The following APBB2 variants were observed in gnomAD, a reference collection of about 807,000 sequenced individuals.
APBB2 encodes amyloid beta precursor protein binding family B member 2, also known as Fe65-like 1.
A neutral mutation model predicts 82.5 loss-of-function variants in APBB2; 38 were observed. The observed-to-expected ratio is 0.46, with a 90% CI of 0.36 to 0.60. APBB2 has a LOEUF of 0.60. Among genes scored for constraint, APBB2 ranks in the 20% least tolerant of loss-of-function variants. APBB2 has a pLI of 0.00. For synonymous variants in APBB2, 341 were observed against 368.2 expected, an observed-to-expected ratio of 0.93 and a Z score of 0.85; for missense variants, 772 against 972.3, an observed-to-expected ratio of 0.79 and a Z score of 2.74.
chr4:41,008,391 G>A (rs540041899), intron 6 of APBB2, among the ~76,000 whole-genome samples: 7 of 152,312 alleles, frequency 4.6e-5, no homozygotes, highest in African/African-American at 1.7e-4. Flanking sequence ...AACATCGAGT[G>A]TCTTATTCAA....
chr4:41,033,124 TA>T, intron 5 of APBB2, 111 bp downstream of exon 5: 1 of 817,470 alleles, frequency 1.2e-6, no homozygotes, highest in Non-Finnish European at 2.0e-6. Flanking sequence ...ACAATGAAAT[TA>T]AAAAACATGT....
intron 1 of APBB2, among the ~76,000 whole-genome samples, chr4:41,202,427 A>G (rs978441272): frequency 7.9e-5 from 12 of 152,252 alleles, no homozygotes; most frequent in Admixed American, 7.9e-4. Flanking sequence ...GGAAACAAAA[A>G]TGAACACACA....
intron 5 of APBB2, among the ~76,000 whole-genome samples, chr4:41,023,993 C>A (rs1403815218): frequency 2.0e-5 from 3 of 152,088 alleles, no homozygotes. Flanking sequence ...ACACACAGAC[C>A]AATGGGACAG....
chr4:41,159,445 A>G (rs534559237), intron 1 of APBB2, among the ~76,000 whole-genome samples: 17 of 152,342 alleles, frequency 1.1e-4, no homozygotes, highest in African/African-American at 3.8e-4. Flanking sequence ...TGCCAAGACA[A>G]CAACCCAAAG....
chr4:41,136,725 C>T (rs958454937), intron 2 of APBB2, among the ~76,000 whole-genome samples: 3 of 152,154 alleles, frequency 2.0e-5, no homozygotes, highest in Non-Finnish European at 4.4e-5. Context: ...TAAAGCCCAG[C>T]AGCAATAGTC....
At chr4:40,874,849 G>A (rs1017153868) in intron 12 of APBB2, among the ~76,000 whole-genome samples, 2 of 152,204 alleles carry the variant, frequency 1.3e-5, no homozygotes, top group Non-Finnish European at 2.9e-5. Flanking sequence ...AGCTGGTAGA[G>A]TGCTCAGCTC....
chr4:40,882,893 C>CT (rs1270124564), intron 12 of APBB2, among the ~76,000 whole-genome samples: 2 of 152,194 alleles, frequency 1.3e-5, no homozygotes, highest in Non-Finnish European at 2.9e-5. Flanking sequence ...GTCTGTGCAA[C>CT]TAGAGACTCT....
rs569065883 is a variant in APBB2, at chr4:41,030,134, C to T, written c.19+3102G>A. Among the ~76,000 whole-genome samples, 7 of 152,098 alleles carry T rather than the reference C, an allele frequency of 4.6e-5. No individual in the cohort carries two copies. The East Asian group carries it at 5.8e-4, about 13-fold the overall frequency. On this transcript the variant is annotated intron_variant, in intron 5 of 17. Transcript: ENST00000508593. ...TCGCACCACCGCACTCCAGCCTGGG[C>T]GACAGAGCTAGACTCCATCTCAAAA... is the stretch of plus-strand genomic sequence containing the variant.
chr4:41,099,886 T>G (rs1196677271), intron 3 of APBB2, among the ~76,000 whole-genome samples: 1 of 152,206 alleles, frequency 6.6e-6, no homozygotes, highest in Non-Finnish European at 1.5e-5. Flanking sequence ...CACGTGCATA[T>G]TTTATTTTGC....
intron 3 of APBB2, among the ~76,000 whole-genome samples, chr4:41,066,923 T>C (rs1217370738): frequency 6.6e-6 from 1 of 152,050 alleles, no homozygotes; most frequent in African/African-American, 2.4e-5. Flanking sequence ...GTTGTTACAA[T>C]CATTCAGGGA....
intron 4 of APBB2, among the ~76,000 whole-genome samples, chr4:41,038,064 C>T (rs1243798874): frequency 6.6e-6 from 1 of 152,008 alleles, no homozygotes; most frequent in Non-Finnish European, 1.5e-5. Context: ...ACAATAGTTT[C>T]CTTCTAGCAG....
At chr4:40,902,188 A>G (rs1416914640) in intron 10 of APBB2, among the ~76,000 whole-genome samples, 3 of 152,122 alleles carry the variant, frequency 2.0e-5, no homozygotes, top group African/African-American at 7.2e-5. Context: ...GAACTCACTA[A>G]TAATGTTAAG....
chr4:41,014,274 C>T lies in APBB2; in HGVS notation c.144G>A (p.Leu48=). The part of the protein sequence containing the change: ...TLNLRSSHNE[L]LNAEIKHTET... The stretch of plus-strand genomic sequence containing the variant: ...CTGTGTGTTTTATTTCAGCGTTCAA[C>T]AGTTCATTGTGGGAGGATCGGAGGT... Residue 48 remains leucine (L), a synonymous_variant, in exon 6 of 18, where the codon CTG becomes CTA. Transcript: ENST00000508593. The T allele has an allele frequency of 6.2e-7, 1 of 1,614,126 alleles. No individual in the cohort carries two copies. Among genetic ancestry groups the T allele is most frequent in the Non-Finnish European group, 8.5e-7 (1 of 1,180,032 alleles).
chr4:41,211,831 C>T (rs73232129), intron 1 of APBB2, among the ~76,000 whole-genome samples: 226 of 152,310 alleles, frequency 1.5e-3, no homozygotes, highest in South Asian at 3.3e-3. Context: ...AGAGACACGA[C>T]ATACCATTTT....
chr4:41,073,547 C>T (rs1002520844), intron 3 of APBB2, among the ~76,000 whole-genome samples: 4 of 152,120 alleles, frequency 2.6e-5, no homozygotes, highest in African/African-American at 9.7e-5. Flanking sequence ...AATTTTTCAC[C>T]TTCCAACTGC....
chr4:40,977,318 G>GTT (rs60943146), intron 6 of APBB2, among the ~76,000 whole-genome samples: 211 of 145,302 alleles, frequency 1.5e-3, no homozygotes, highest in East Asian at 8.2e-3. Context: ...CAATATAGTT[G>GTT]TTTTTTTTTT....
At chr4:40,980,251 T>C (rs1409761440) in intron 6 of APBB2, among the ~76,000 whole-genome samples, 1 of 152,214 alleles carries the variant, frequency 6.6e-6, no homozygotes, top group African/African-American at 2.4e-5. Flanking sequence ...CTCGAACTCC[T>C]GAGCTCAGGC....
chr4:40,918,822 G>C (rs1348466256), intron 10 of APBB2, among the ~76,000 whole-genome samples: 3 of 150,640 alleles, frequency 2.0e-5, no homozygotes, highest in African/African-American at 7.4e-5. Flanking sequence ...CTATGTTCAG[G>C]CAGGTCTCAA....
At chr4:41,139,292 C>T (rs1222264240) in intron 2 of APBB2, among the ~76,000 whole-genome samples, 1 of 151,850 alleles carries the variant, frequency 6.6e-6, no homozygotes, top group Non-Finnish European at 1.5e-5. Flanking sequence ...AAAAAAGCAC[C>T]CAACAAAAAT....
Sources: allele counts gnomAD v4.1 joint callset (sites outside exome capture counted in the v4.1 genomes callset), GRCh38; gene constraint gnomAD v4.1.1; transcripts MANE v1.5; gene names NCBI Gene and HGNC (gene_info 2026-07-23, HGNC 2026-07-21).